Variants in MID1 observed in about 807,000 individuals in gnomAD.
The protein encoded by MID1 is midline 1.
MID1 carries 7 observed loss-of-function variants against 40.4 expected under a neutral mutation model. The observed-to-expected ratio is 0.17, with a 90% CI of 0.10 to 0.33. The LOEUF is 0.33. Ranked by LOEUF, MID1 falls within the 10% of genes least tolerant of loss-of-function variation. The probability of loss-of-function intolerance (pLI) is 1.00; values close to 1 mark genes in which losing one functional copy is unlikely to be tolerated. For synonymous variants in MID1, 229 were observed against 221.2 expected, an observed-to-expected ratio of 1.04 and a Z score of -0.31; for missense variants, 367 against 558.5, an observed-to-expected ratio of 0.66 and a Z score of 3.46.
At chrX:10,507,637 C>G (rs998650916) in intron 3 of MID1, among the ~76,000 whole-genome samples, 2 of 112,599 alleles carry the variant, frequency 1.8e-5, no homozygotes, top group African/African-American at 6.5e-5. Context: ...CTCTTTCATT[C>G]AGATTAATTG....
intron 1 of MID1, among the ~76,000 whole-genome samples, chrX:10,809,060 C>A (rs1479862481): frequency 1.8e-5 from 2 of 111,424 alleles, no homozygotes; most frequent in Non-Finnish European, 3.8e-5. Context: ...GAATCTACAA[C>A]GAACTCAAAC....
At chrX:10,485,858 G>C (rs775653398) in intron 4 of MID1, among the ~76,000 whole-genome samples, 12 of 111,532 alleles carry the variant, frequency 1.1e-4, no homozygotes, top group Non-Finnish European at 1.7e-4. Flanking sequence ...TTTAGTCCAA[G>C]TTAATTTTCT....
At chrX:10,710,818 T>C (rs1490395895) in intron 1 of MID1, among the ~76,000 whole-genome samples, 2 of 111,921 alleles carry the variant, frequency 1.8e-5, no homozygotes, top group African/African-American at 3.2e-5. Context: ...ATAAATATCA[T>C]AGAAAATTCC....
At chrX:10,617,323 T>C (rs1428057827) in intron 1 of MID1, among the ~76,000 whole-genome samples, 1 of 112,097 alleles carries the variant, frequency 8.9e-6, no homozygotes, top group Non-Finnish European at 1.9e-5. Flanking sequence ...TAAAGGACTT[T>C]CTAATCCTCA....
chrX:10,740,022 T>C (rs1254836470), intron 1 of MID1, among the ~76,000 whole-genome samples: 1 of 112,787 alleles, frequency 8.9e-6, no homozygotes, highest in East Asian at 2.8e-4. Context: ...CAAGAAGATA[T>C]ATTGATCTAG....
intron 1 of MID1, among the ~76,000 whole-genome samples, chrX:10,754,322 TG>T: frequency 1.9e-5 from 2 of 106,879 alleles, no homozygotes; most frequent in African/African-American, 7.6e-5. Flanking sequence ...TTTTGTTTTT[TG>T]TTTTTTTTGT....
chrX:10,640,660 C>T (rs1186852282), intron 1 of MID1, among the ~76,000 whole-genome samples: 26 of 111,050 alleles, frequency 2.3e-4, no homozygotes, highest in Non-Finnish European at 4.3e-4. Context: ...CTGCACCAAG[C>T]GGACCTAATA....
At position 10,817,543 on chromosome X, in the gene MID1, T is replaced by TC. The variant is rs1247648984; in HGVS notation, c.-187+16010dup. ...TTCTTTCTTTCTTTCTTTCTTTCTT[T>TC]CTTTCTTTCTTTCTTTCTTTCTTTC... On this transcript the variant is annotated intron_variant, in intron 1 of 10. Coordinates refer to the MID1 transcript ENST00000380785. Among the ~76,000 whole-genome samples, 3 of 102,636 alleles carry TC rather than the reference T, an allele frequency of 2.9e-5. No individual in the cohort carries two copies. In the East Asian group the frequency reaches 9.1e-4, roughly 31 times the overall value. The allele number at this position is 102,636 out of a possible 115,157, so 89.1% of individuals were successfully genotyped here. A position where few individuals can be genotyped will look rare whatever the true frequency, so the allele number is the denominator to read the frequency against.
intron 1 of MID1, among the ~76,000 whole-genome samples, chrX:10,809,367 T>G (rs1602590839): frequency 8.9e-6 from 1 of 111,975 alleles, no homozygotes; most frequent in Admixed American, 9.4e-5. Context: ...GAAGACAGTG[T>G]GGCGATTCCT....
intron 1 of MID1, among the ~76,000 whole-genome samples, chrX:10,693,710 T>A (rs941104984): frequency 9.8e-5 from 11 of 112,022 alleles, no homozygotes; most frequent in Non-Finnish European, 1.5e-4. Context: ...TGTGTGCTTA[T>A]ATTTGGTTGA....
intron 1 of MID1, among the ~76,000 whole-genome samples, chrX:10,723,821 T>G (rs1374944003): frequency 1.8e-5 from 2 of 112,487 alleles, no homozygotes; most frequent in African/African-American, 3.2e-5. Context: ...ATTACAGGCG[T>G]GAGCCACCGC....
chrX:10,791,038 T>A (rs1183715188), intron 1 of MID1, among the ~76,000 whole-genome samples: 1 of 112,505 alleles, frequency 8.9e-6, no homozygotes, highest in East Asian at 2.8e-4. Context: ...AAGATAGACA[T>A]CTGGATCTTT....
At chrX:10,533,382 G>GAAAGAA (rs1933087483) in intron 2 of MID1, among the ~76,000 whole-genome samples, 1 of 32,654 alleles carries the variant, frequency 3.1e-5, no homozygotes, top group Admixed American at 3.8e-4. Flanking sequence ...GAAAGAAAAA[G>GAAAGAA]AAAGAAAGAA....
intron 1 of MID1, among the ~76,000 whole-genome samples, chrX:10,797,921 C>A (rs2043978235): frequency 8.9e-6 from 1 of 112,087 alleles, no homozygotes; most frequent in Non-Finnish European, 1.9e-5. Context: ...TCTTTATTAT[C>A]TCTGTTATTT....
chrX:10,662,695 C>T (rs1453965767), intron 1 of MID1, among the ~76,000 whole-genome samples: 1 of 111,853 alleles, frequency 8.9e-6, no homozygotes, highest in Non-Finnish European at 1.9e-5. Context: ...TTCCCATGGC[C>T]TTCTTTAAGA....
intron 3 of MID1, among the ~76,000 whole-genome samples, chrX:10,502,575 C>T (rs193246710): frequency 1.8e-5 from 2 of 111,822 alleles, no homozygotes; most frequent in Admixed American, 9.5e-5. Context: ...ACCATTACTG[C>T]ACTCTTGAAA....
intron 3 of MID1, among the ~76,000 whole-genome samples, chrX:10,509,857 A>G (rs1932026068): frequency 8.9e-6 from 1 of 112,100 alleles, no homozygotes; most frequent in African/African-American, 3.2e-5. Flanking sequence ...ATCAATAGTC[A>G]AGTGCTGCAT....
chrX:10,640,888 A>G (rs1440239359), intron 1 of MID1, among the ~76,000 whole-genome samples: 1 of 112,104 alleles, frequency 8.9e-6, no homozygotes, highest in Non-Finnish European at 1.9e-5. Flanking sequence ...ACTGCATGGA[A>G]ACTGAACAAC....
intron 1 of MID1, among the ~76,000 whole-genome samples, chrX:10,656,884 G>C (rs1468962648): frequency 9.0e-6 from 1 of 111,133 alleles, no homozygotes; most frequent in Non-Finnish European, 1.9e-5. Context: ...CAATGAAATT[G>C]ATTCTCAATA....
Sources: gnomAD v4.1 joint callset for allele counts (sites outside exome capture counted in the v4.1 genomes callset) on GRCh38, gnomAD v4.1.1 for gene constraint, MANE v1.5 for transcripts, NCBI Gene and HGNC (gene_info 2026-07-23, HGNC 2026-07-21) for gene names.